The following MARCHF8 variants were observed in gnomAD, a reference collection of about 807,000 sequenced individuals.
MARCHF8 encodes E3 ubiquitin-protein ligase MARCHF8.
A neutral mutation model predicts 51.6 loss-of-function variants in MARCHF8; 40 were observed. The observed-to-expected ratio is 0.77, with a 90% CI of 0.60 to 1.01. MARCHF8 has a LOEUF of 1.01. Ranked by LOEUF, MARCHF8 falls within the 50% of genes least tolerant of loss-of-function variation. MARCHF8 has a pLI of 0.00. For synonymous variants in MARCHF8, 263 were observed against 280.3 expected (o/e 0.94, Z 0.62); for missense variants, 685 against 708.6 (o/e 0.97, Z 0.38).
At chr10:45,502,387 G>C (rs567691321) in intron 2 of MARCHF8, among the ~76,000 whole-genome samples, 1 of 152,226 alleles carries the variant, frequency 6.6e-6, no homozygotes, top group East Asian at 1.9e-4. Context: ...GAGAAAGTAC[G>C]GTGCTGGCAA....
chr10:45,473,090 C>T (rs537121242), intron 3 of MARCHF8, among the ~76,000 whole-genome samples: 7 of 152,310 alleles, frequency 4.6e-5, no homozygotes, highest in Middle Eastern at 6.8e-3. Context: ...GGTCTGCCCT[C>T]GCGTAATAAA....
chr10:45,526,107 T>C (rs1220083357), intron 2 of MARCHF8, among the ~76,000 whole-genome samples: 1 of 152,202 alleles, frequency 6.6e-6, no homozygotes, highest in Non-Finnish European at 1.5e-5. Flanking sequence ...TATGAGAAAC[T>C]GGAAGCTTGG....
intron 6 of MARCHF8, among the ~76,000 whole-genome samples, chr10:45,460,058 C>A (rs1369741783): frequency 6.6e-6 from 1 of 152,122 alleles, no homozygotes; most frequent in African/African-American, 2.4e-5. Flanking sequence ...AGTAGGCACC[C>A]AATAAATTAC....
intron 3 of MARCHF8, among the ~76,000 whole-genome samples, chr10:45,469,631 C>T (rs552586442): frequency 4.0e-5 from 6 of 151,840 alleles, no homozygotes; most frequent in East Asian, 1.9e-4. Flanking sequence ...TTTGGGGGGC[C>T]GAGGCGGGCG....
In MARCHF8 at chr10:45,517,974, G is replaced by A. The variant is rs1357472934; in HGVS notation, c.102+15136C>T. Among the ~76,000 whole-genome samples the A allele has an allele frequency of 3.3e-5, 5 of 152,228 alleles. No individual in the cohort carries two copies. In the East Asian group the frequency reaches 5.8e-4, roughly 18 times the overall value. On this transcript the variant is annotated intron_variant, in intron 2 of 7. Coordinates refer to ENST00000453424, the MANE Select transcript of MARCHF8 (RefSeq NM_001282866.2). Reference sequence around the variant, plus strand: ...CTAACCCTCCAATTTTAAGATGATCGTGATCTTAGCAATCTATGTTTCTTG... The same window carrying A: ...CTAACCCTCCAATTTTAAGATGATCATGATCTTAGCAATCTATGTTTCTTG...
In MARCHF8 at chr10:45,575,124, C is replaced by T. The variant is rs140705509; in HGVS notation, c.-79+19111G>A. ...CATCAGATCCCATTGCTCAGGACAA[C>T]GCTTATGCTGATAAGGTAGCTAAAA... On this transcript the variant is annotated intron_variant, in intron 1 of 6. Coordinates refer to the MARCHF8 transcript ENST00000319836. 6.8e-3 allele frequency among the ~76,000 whole-genome samples: 1,031 copies of T among 152,254 alleles called. 9 individuals are homozygous for T. Among genetic ancestry groups the T allele is most frequent in the African/African-American group, 0.024 (980 of 41,558 alleles).
At chr10:45,556,524 G>A (rs184835520) in intron 1 of MARCHF8, among the ~76,000 whole-genome samples, 5 of 152,314 alleles carry the variant, frequency 3.3e-5, no homozygotes, top group East Asian at 3.9e-4. Flanking sequence ...TTACTTCTGT[G>A]TATGTTTTAA....
At chr10:45,551,888 T>G (rs2044199641) in intron 1 of MARCHF8, among the ~76,000 whole-genome samples, 1 of 151,434 alleles carries the variant, frequency 6.6e-6, no homozygotes, top group African/African-American at 2.4e-5. Flanking sequence ...CTATTGGTTT[T>G]GTTTCTTTGC....
chr10:45,455,212 C>T lies in MARCHF8; in HGVS notation c.*3027G>A, dbSNP rs1276697040. 1 of 152,214 alleles carries T rather than the reference C, an allele frequency of 6.6e-6. No homozygotes were observed. The highest frequency in any genetic ancestry group is 1.5e-5 in the Non-Finnish European group (1 of 68,060). The allele number at this position is 152,214 out of a possible 1,614,324, so 9.4% of individuals were successfully genotyped here. On this transcript the variant is annotated 3_prime_UTR_variant, in exon 8 of 8. Transcript: ENST00000453424. ...CACATGTGCAGGTTTGAAAACTAGG[C>T]CTACAAGACTGAAGAGTGGACTGAA...
rs544333069 is a variant in MARCHF8 at position 45,512,667 on chromosome 10, G to A, written c.102+20443C>T. ...AGGTGAGGGGCGCCTCTGCCCGGCC[G>A]TCCCTACTGGGATGTGAGGAGCCCC... On this transcript the variant is annotated intron_variant, in intron 2 of 7. Transcript: ENST00000453424. 4.4e-3 allele frequency among the ~76,000 whole-genome samples: 661 copies of A among 151,754 alleles called. 6 individuals carry two copies. The highest frequency in any genetic ancestry group is 0.015 in the African/African-American group (629 of 41,326).
intron 3 of MARCHF8, among the ~76,000 whole-genome samples, chr10:45,485,606 T>C (rs1372119875): frequency 6.6e-6 from 1 of 152,202 alleles, no homozygotes; most frequent in Non-Finnish European, 1.5e-5. Flanking sequence ...GCCTGGTTTT[T>C]AAAGTCAATA....
At chr10:45,502,099 T>C (rs546993960) in intron 2 of MARCHF8, among the ~76,000 whole-genome samples, 74 of 152,270 alleles carry the variant, frequency 4.9e-4, no homozygotes, top group Non-Finnish European at 8.5e-4. Context: ...AAATTAAACA[T>C]GAAATAGCTA....
intron 3 of MARCHF8, among the ~76,000 whole-genome samples, chr10:45,484,116 C>A (rs1004420354): frequency 2.0e-5 from 3 of 152,188 alleles, no homozygotes; most frequent in Non-Finnish European, 4.4e-5. Flanking sequence ...CCCCAAATAC[C>A]CTGACTTGAT....
At chr10:45,536,835 A>AAATAAT (rs60341718), upstream of MARCHF8, among the ~76,000 whole-genome samples, 17,890 of 134,604 alleles carry the variant, frequency 0.13, 1,276 homozygotes, top group Middle Eastern at 0.18. Flanking sequence ...ATCTCTACCA[A>AAATAAT]AATAATAATA....
At chr10:45,500,020 T>G (rs1387176871) in intron 2 of MARCHF8, among the ~76,000 whole-genome samples, 1 of 152,240 alleles carries the variant, frequency 6.6e-6, no homozygotes, top group African/African-American at 2.4e-5. Context: ...CAGATTGATT[T>G]GGGCAGTACT....
chr10:45,495,056 G>T (rs2043147788), intron 2 of MARCHF8, among the ~76,000 whole-genome samples: 1 of 151,590 alleles, frequency 6.6e-6, no homozygotes, highest in African/African-American at 2.4e-5. Context: ...AAAGGCAGAG[G>T]TTGCAGTGAG....
intron 2 of MARCHF8, among the ~76,000 whole-genome samples, chr10:45,507,525 G>A (rs1178599932): frequency 6.6e-6 from 1 of 152,164 alleles, no homozygotes; most frequent in Non-Finnish European, 1.5e-5. Flanking sequence ...AGAGCAAGGA[G>A]GGAGGTGTCA....
chr10:45,583,003 T>C (rs1473991062), intron 1 of MARCHF8, among the ~76,000 whole-genome samples: 1 of 152,086 alleles, frequency 6.6e-6, no homozygotes, highest in African/African-American at 2.4e-5. Context: ...TCCTCACCTA[T>C]CAAACTGGGA....
At chr10:45,576,980 A>AG (rs2044497440) in intron 1 of MARCHF8, among the ~76,000 whole-genome samples, 3 of 139,560 alleles carry the variant, frequency 2.1e-5, no homozygotes, top group African/African-American at 8.0e-5. Flanking sequence ...AAAAGAAAAA[A>AG]AAAAAAAAAA....
Sources: allele counts gnomAD v4.1 joint callset (sites outside exome capture counted in the v4.1 genomes callset), GRCh38; gene constraint gnomAD v4.1.1; transcripts MANE v1.5; gene names NCBI Gene and HGNC (gene_info 2026-07-23, HGNC 2026-07-21).